Variants in PRIM2 observed in about 807,000 individuals in gnomAD.
PRIM2 encodes DNA primase large subunit.
Under a neutral mutation model 67.3 loss-of-function variants are expected in PRIM2, and 39 were observed. The ratio of observed to expected loss-of-function variants is 0.58; its 90% confidence interval spans 0.45 to 0.76. PRIM2 has a LOEUF of 0.76. Ranked by LOEUF, PRIM2 falls within the 30% of genes least tolerant of loss-of-function variation. PRIM2 has a pLI of 0.00. For missense variants in PRIM2, 398 were observed against 598.7 expected (o/e 0.66, Z 3.50); for synonymous variants, 143 against 198.7 (o/e 0.72, Z 2.36).
chr6:57,336,002 A>G (rs1346165966), intron 5 of PRIM2, among the ~76,000 whole-genome samples: 5 of 151,924 alleles, frequency 3.3e-5, no homozygotes, highest in Non-Finnish European at 5.9e-5. Context: ...ACCAATACAG[A>G]GAAGTGCTTA....
chr6:57,328,550 T>C lies in PRIM2; in HGVS notation c.459+2505T>C, dbSNP rs1767950538. ...TTAATTTTTTAATTGCCAAATAATA[T>C]TTTACCTGTTCAGCATTCGAGGGAC... On this transcript the variant is annotated intron_variant, in intron 5 of 13. Transcript: ENST00000615550. 2.6e-5 allele frequency among the ~76,000 whole-genome samples: 4 copies of C among 152,240 alleles called. No homozygotes were observed. In the South Asian group the frequency reaches 8.3e-4, roughly 32 times the overall value.
chr6:57,453,998 G>T (rs199785283), intron 7 of PRIM2, among the ~76,000 whole-genome samples: 2 of 152,122 alleles, frequency 1.3e-5, no homozygotes, highest in Non-Finnish European at 2.9e-5. Flanking sequence ...TAGCATGAAG[G>T]GTTGTCGAAT....
chr6:57,273,595 G>A, the PRIM2 span, among the ~76,000 whole-genome samples: 1 of 151,990 alleles, frequency 6.6e-6, no homozygotes, highest in Non-Finnish European at 1.5e-5. Context: ...GCTTGGAGTA[G>A]TTTGATCATC....
At chr6:57,297,354 A>G in the PRIM2 span, among the ~76,000 whole-genome samples, 1 of 152,136 alleles carries the variant, frequency 6.6e-6, no homozygotes, top group South Asian at 2.1e-4. Flanking sequence ...AGGCAGGAGA[A>G]TCGCTTGAAC....
the PRIM2 span, among the ~76,000 whole-genome samples, chr6:57,239,022 A>T: frequency 6.6e-6 from 1 of 151,268 alleles, no homozygotes; most frequent in African/African-American, 2.4e-5. Context: ...ACAAGGTCTC[A>T]CTCTGTCGTC....
the PRIM2 span, among the ~76,000 whole-genome samples, chr6:57,224,699 A>C: frequency 6.6e-6 from 1 of 152,078 alleles, no homozygotes; most frequent in Non-Finnish European, 1.5e-5. Context: ...AATTTGAGAA[A>C]AACTTCCTGA....
the PRIM2 span, among the ~76,000 whole-genome samples, chr6:57,231,812 G>C: frequency 2.0e-5 from 3 of 151,228 alleles, no homozygotes; most frequent in Non-Finnish European, 4.4e-5. Flanking sequence ...TTTTCTATGA[G>C]TGCTTGAAAA....
chr6:57,626,709 C>T (rs1395550682), intron 12 of PRIM2, among the ~76,000 whole-genome samples: 3 of 151,494 alleles, frequency 2.0e-5, no homozygotes, highest in South Asian at 2.1e-4. Context: ...ACTGCAGCCT[C>T]GACCTCCCCG....
At chr6:57,377,634 A>C (rs1469060553) in intron 5 of PRIM2, among the ~76,000 whole-genome samples, 1 of 152,100 alleles carries the variant, frequency 6.6e-6, no homozygotes, top group African/African-American at 2.4e-5. Flanking sequence ...TTCATCCTCA[A>C]GTAATTGTTC....
At chr6:57,475,661 C>A (rs1213721019) in intron 7 of PRIM2, among the ~76,000 whole-genome samples, 1 of 152,164 alleles carries the variant, frequency 6.6e-6, no homozygotes, top group African/African-American at 2.4e-5. Context: ...AACGTCCTGC[C>A]CCTCACTAAT....
At chr6:57,285,374 TA>T in the PRIM2 span, among the ~76,000 whole-genome samples, 93 of 152,278 alleles carry the variant, frequency 6.1e-4, 1 homozygote, top group African/African-American at 2.2e-3. Context: ...AAATCCTCAA[TA>T]AAATACTGGC....
intron 8 of PRIM2, among the ~76,000 whole-genome samples, chr6:57,531,431 G>A (rs1774887367): frequency 6.6e-6 from 1 of 152,058 alleles, no homozygotes; most frequent in Admixed American, 6.6e-5. Flanking sequence ...TTTAGTTGTG[G>A]TATTTGTATA....
chr6:57,470,419 TCCC>T (rs1773309681), intron 7 of PRIM2, among the ~76,000 whole-genome samples: 1 of 45,060 alleles, frequency 2.2e-5, no homozygotes, highest in Non-Finnish European at 4.1e-5. Flanking sequence ...TCTCCCCCTC[TCCC>T]CTCTCCCCCT....
intron 7 of PRIM2, among the ~76,000 whole-genome samples, chr6:57,418,405 T>G (rs78231063): frequency 2.3e-5 from 3 of 131,422 alleles, no homozygotes; most frequent in Non-Finnish European, 4.8e-5. Flanking sequence ...TTTTTTTTTT[T>G]TTTTTTTTTT....
intron 12 of PRIM2, among the ~76,000 whole-genome samples, chr6:57,609,856 T>C (rs1359254313): frequency 6.6e-6 from 1 of 152,222 alleles, no homozygotes; most frequent in East Asian, 1.9e-4. Flanking sequence ...AGTTAATGGA[T>C]GAAAATTCCA....
intron 7 of PRIM2, among the ~76,000 whole-genome samples, chr6:57,395,536 T>C (rs1416669772): frequency 6.6e-6 from 1 of 152,206 alleles, no homozygotes; most frequent in African/African-American, 2.4e-5. Flanking sequence ...AGTTATGTTA[T>C]TTGGATTTTC....
At chr6:57,228,441 A>G in the PRIM2 span, among the ~76,000 whole-genome samples, 1 of 152,192 alleles carries the variant, frequency 6.6e-6, no homozygotes, top group Admixed American at 6.5e-5. Context: ...TTCTCATTTC[A>G]TTTACCCATA....
chr6:57,338,839 T>G (rs1449957159), intron 5 of PRIM2, among the ~76,000 whole-genome samples: 3 of 147,990 alleles, frequency 2.0e-5, no homozygotes, highest in Admixed American at 2.0e-4. Flanking sequence ...AACATAGTGT[T>G]GGAAGTTCTG....
At chr6:57,585,715 T>G (rs1218523395) in intron 10 of PRIM2, among the ~76,000 whole-genome samples, 1 of 152,178 alleles carries the variant, frequency 6.6e-6, no homozygotes, top group Non-Finnish European at 1.5e-5. Flanking sequence ...ACTACAACTG[T>G]GCTACACAAA....
Sources: gnomAD v4.1 joint callset for allele counts (sites outside exome capture counted in the v4.1 genomes callset) on GRCh38, gnomAD v4.1.1 for gene constraint, MANE v1.5 for transcripts, NCBI Gene and HGNC (gene_info 2026-07-23, HGNC 2026-07-21) for gene names.